Variants in IL1R2 observed in about 807,000 individuals in gnomAD.
IL1R2 encodes interleukin-1 receptor type 2.
IL1R2 carries 46 observed loss-of-function variants against 39.5 expected under a neutral mutation model. That is an observed-to-expected ratio of 1.16 (90% CI 0.92 to 1.49). The LOEUF is 1.49. Among genes scored for constraint, IL1R2 ranks in the 40% most tolerant of loss-of-function variants. The pLI is 0.00. For synonymous variants in IL1R2, 207 were observed against 189.6 expected, an observed-to-expected ratio of 1.09 and a Z score of -0.75; for missense variants, 537 against 502.0, an observed-to-expected ratio of 1.07 and a Z score of -0.67.
chr2:101,994,226 A>C (rs1292468773), intron 1 of IL1R2, among the ~76,000 whole-genome samples: 1 of 152,062 alleles, frequency 6.6e-6, no homozygotes, highest in East Asian at 1.9e-4. Context: ...CCCTGCTAGT[A>C]GGGGTTCCCT....
chr2:102,001,153 G>A (rs1675837514), intron 1 of IL1R2, among the ~76,000 whole-genome samples: 1 of 152,238 alleles, frequency 6.6e-6, no homozygotes, highest in African/African-American at 2.4e-5. Flanking sequence ...GGAATGGAAT[G>A]TTGATACAGG....
chr2:102,019,866 A>C, intron 5 of IL1R2, 54 bp downstream of exon 5: 1 of 1,479,760 alleles, frequency 6.8e-7, no homozygotes, highest in African/African-American at 1.4e-5. Flanking sequence ...ACAAGCATGC[A>C]GAGAACAAAT....
chr2:101,994,491 T>C (rs1675495242), intron 1 of IL1R2, among the ~76,000 whole-genome samples: 1 of 152,230 alleles, frequency 6.6e-6, no homozygotes, highest in Non-Finnish European at 1.5e-5. Context: ...CGCATCAGAA[T>C]CACTGGTGGG....
intron 1 of IL1R2, among the ~76,000 whole-genome samples, chr2:102,006,713 A>C (rs1676284920): frequency 1.3e-5 from 2 of 152,200 alleles, no homozygotes; most frequent in African/African-American, 4.8e-5. Flanking sequence ...TGTGAGCAAG[A>C]CCAGGGCTCT....
At chr2:102,006,222 T>A (rs574978950) in intron 1 of IL1R2, among the ~76,000 whole-genome samples, 42 of 152,268 alleles carry the variant, frequency 2.8e-4, no homozygotes, top group African/African-American at 3.6e-4. Flanking sequence ...GATAAGCTAA[T>A]GCGTGTCCAA....
In IL1R2 at chr2:102,015,485, T is replaced by C. The variant is rs567981026; in HGVS notation, c.333-386T>C. 1.1e-4 allele frequency among the ~76,000 whole-genome samples: 17 copies of C among 152,340 alleles called. No homozygotes were observed. In the East Asian group the frequency reaches 3.3e-3, roughly 29 times the overall value. Reference sequence around the variant, plus strand: ...CCATTGTAAGTTGGAAATAGCGTTGTCACTTAACTTACCACTTAACACTTA... The same window carrying C: ...CCATTGTAAGTTGGAAATAGCGTTGCCACTTAACTTACCACTTAACACTTA... On this transcript the variant is annotated intron_variant, in intron 3 of 8. Transcript: ENST00000332549.
intron 3 of IL1R2, among the ~76,000 whole-genome samples, chr2:102,012,819 G>A (rs1281700928): frequency 6.6e-6 from 1 of 152,144 alleles, no homozygotes; most frequent in Non-Finnish European, 1.5e-5. Flanking sequence ...AGTACTACTA[G>A]GAAAACTTCA....
intron 5 of IL1R2, among the ~76,000 whole-genome samples, chr2:102,021,265 G>C (rs1677371352): frequency 1.3e-5 from 2 of 148,760 alleles, no homozygotes; most frequent in Admixed American, 1.3e-4. Context: ...TGTCCTTTTT[G>C]CTCATTTCAG....
intron 1 of IL1R2, among the ~76,000 whole-genome samples, chr2:102,006,675 T>A (rs1273288818): frequency 6.6e-6 from 1 of 152,158 alleles, no homozygotes; most frequent in Non-Finnish European, 1.5e-5. Flanking sequence ...TATTCCCCGG[T>A]ATGTTCTAGT....
chr2:102,007,436 G>C (rs925469481), intron 1 of IL1R2, among the ~76,000 whole-genome samples: 2 of 152,168 alleles, frequency 1.3e-5, no homozygotes, highest in Admixed American at 6.5e-5. Context: ...GAAATATGAG[G>C]ACTCTTGGGC....
chr2:102,004,033 C>CTATGTT (rs1334562939), intron 1 of IL1R2, among the ~76,000 whole-genome samples: 2 of 144,766 alleles, frequency 1.4e-5, no homozygotes, highest in East Asian at 3.8e-4. Context: ...ATGTCTATGT[C>CTATGTT]TATGTCTATG....
intron 1 of IL1R2, among the ~76,000 whole-genome samples, chr2:102,005,502 G>A (rs1676205907): frequency 1.3e-5 from 2 of 152,182 alleles, no homozygotes; most frequent in African/African-American, 2.4e-5. Context: ...CCAGGGTGGT[G>A]GGCGGCTTCA....
chr2:102,020,621 A>T (rs1677319179), intron 5 of IL1R2, among the ~76,000 whole-genome samples: 2 of 152,222 alleles, frequency 1.3e-5, no homozygotes, highest in Admixed American at 1.3e-4. Context: ...CCAGAGATTC[A>T]GTTGCACCGC....
At chr2:102,004,933 G>A (rs1242493669) in intron 1 of IL1R2, among the ~76,000 whole-genome samples, 1 of 152,220 alleles carries the variant, frequency 6.6e-6, no homozygotes, top group South Asian at 2.1e-4. Context: ...AGCAGTTACT[G>A]GAGGAGGACA....
chr2:102,025,055 A>G (rs1677648211), intron 7 of IL1R2, among the ~76,000 whole-genome samples: 1 of 152,216 alleles, frequency 6.6e-6, no homozygotes, highest in Non-Finnish European at 1.5e-5. Context: ...CACAGTATCT[A>G]TAGTACCTCT....
intron 3 of IL1R2, among the ~76,000 whole-genome samples, chr2:102,013,995 C>T (rs1156875599): frequency 6.6e-6 from 1 of 152,148 alleles, no homozygotes; most frequent in African/African-American, 2.4e-5. Flanking sequence ...GGGTGCCACA[C>T]TACATGGGGA....
chr2:102,012,778 T>C (rs1453470788), intron 3 of IL1R2, among the ~76,000 whole-genome samples: 1 of 152,200 alleles, frequency 6.6e-6, no homozygotes, highest in Non-Finnish European at 1.5e-5. Flanking sequence ...TTCTTTCTTT[T>C]CCACAGTAAA....
At chr2:102,009,052 A>AAAAAAAG (rs1329833211) in intron 2 of IL1R2, among the ~76,000 whole-genome samples, 2 of 151,910 alleles carry the variant, frequency 1.3e-5, no homozygotes, top group Non-Finnish European at 2.9e-5. Context: ...GGAAAAATTA[A>AAAAAAAG]AAAAAAGAAA....
At position 102,019,786 on chromosome 2, in the gene IL1R2, C is replaced by A; in HGVS notation, c.662C>A (p.Thr221Asn). The A allele has an allele frequency of 6.2e-7, 1 of 1,614,014 alleles. No individual in the cohort carries two copies. Among genetic ancestry groups the A allele is most frequent in the South Asian group, 1.1e-5 (1 of 91,048 alleles). Residue 221 changes from threonine (T) to asparagine (N), a missense_variant, in exon 5 of 9, where the codon ACT (threonine) becomes AAT (asparagine). Coordinates refer to ENST00000332549, the MANE Select transcript of IL1R2 (RefSeq NM_004633.4). The stretch of plus-strand genomic sequence containing the variant: ...CATGAAGGCCAGCAATACAACATCA[C>A]TAGGAGTATTGAGCTACGCATCAAG... Reference protein sequence around the residue: ...FAHEGQQYNITRSIELRIKKK... With the variant: ...FAHEGQQYNINRSIELRIKKK...
Sources: allele counts gnomAD v4.1 joint callset (sites outside exome capture counted in the v4.1 genomes callset), GRCh38; gene constraint gnomAD v4.1.1; transcripts MANE v1.5; gene names NCBI Gene and HGNC (gene_info 2026-07-23, HGNC 2026-07-21).